The following HYDIN variants were observed in gnomAD, a reference collection of about 807,000 sequenced individuals.
HYDIN encodes axonemal central pair apparatus protein HYDIN.
A neutral mutation model predicts 403.9 loss-of-function variants in HYDIN; 132 were observed. That is an observed-to-expected ratio of 0.33 (90% CI 0.28 to 0.38). The LOEUF is 0.38. Among genes scored for constraint, HYDIN ranks in the 10% least tolerant of loss-of-function variants. The pLI is 1.00. For missense variants in HYDIN, 2,827 were observed against 5,009.5 expected (o/e 0.56, Z 13.15); for synonymous variants, 1,202 against 1,891.7 (o/e 0.64, Z 9.46).
intron 8 of HYDIN, among the ~76,000 whole-genome samples, chr16:71,136,472 C>T (rs1009075430): frequency 1.1e-4 from 17 of 151,748 alleles, no homozygotes; most frequent in African/African-American, 4.1e-4. Context: ...TTTATAAAAG[C>T]TGATCAACCT....
intron 47 of HYDIN, among the ~76,000 whole-genome samples, chr16:70,917,155 C>G (rs2076865493): frequency 6.6e-6 from 1 of 152,212 alleles, no homozygotes; most frequent in Non-Finnish European, 1.5e-5. Context: ...CATCTGGGCT[C>G]AAGCAATCTG....
chr16:71,157,167 G>T (rs1218396458), intron 6 of HYDIN, among the ~76,000 whole-genome samples: 1 of 151,660 alleles, frequency 6.6e-6, no homozygotes, highest in South Asian at 2.1e-4. Flanking sequence ...ATTCGAATAA[G>T]GGTAACAGAC....
intron 3 of HYDIN, 143 bp downstream of exon 3, chr16:71,184,722 G>T: frequency 1.5e-6 from 1 of 650,152 alleles, no homozygotes. Flanking sequence ...CAGATATGAA[G>T]ACATTCAGAG....
chr16:70,938,154 CA>C (rs752374080), intron 44 of HYDIN, among the ~76,000 whole-genome samples: 178 of 152,370 alleles, frequency 1.2e-3, no homozygotes, highest in Non-Finnish European at 2.2e-3. Flanking sequence ...GGGACCCAGG[CA>C]GGGGGAGGAA....
At position 70,807,825 on chromosome 16, in the gene HYDIN, G is replaced by C; in HGVS notation, c.15121C>G (p.Pro5041Ala). The C allele has an allele frequency of 6.2e-7, 1 of 1,614,166 alleles. No homozygotes were observed. Among genetic ancestry groups the C allele is most frequent in the Non-Finnish European group, 8.5e-7 (1 of 1,180,038 alleles). The change falls in exon 86 of 86, where the codon CCC (proline) becomes GCC (alanine). Residue 5041 changes from proline to alanine, a missense_variant. Coordinates refer to ENST00000393567, the MANE Select transcript of HYDIN (RefSeq NM_001270974.2). The stretch of plus-strand genomic sequence containing the variant: ...ATGTGATAGAAGACATTCTTGAAGG[G>C]GATGATTATGCTGTACCCGGCTCGG... ...SIRAGYSIII[P>A]FKNVFYHMVT... is the part of the protein sequence containing the mutation.
At chr16:70,853,479 T>G (rs975268061) in intron 73 of HYDIN, among the ~76,000 whole-genome samples, 5 of 148,580 alleles carry the variant, frequency 3.4e-5, no homozygotes, top group African/African-American at 1.3e-4. Flanking sequence ...AGTGGGTGAA[T>G]AGTTCAACTA....
At position 71,073,449 on chromosome 16, in the gene HYDIN, G is replaced by A. The variant is rs113259923; in HGVS notation, c.1739-3947C>T. ...GACTCCCTACTTTACACCCTCCGAA[G>A]GTCAACTTAGATATTTCTCCTTCAG... On this transcript the variant is annotated intron_variant, in intron 13 of 85. Transcript: ENST00000393567. 9.5e-4 allele frequency among the ~76,000 whole-genome samples: 145 copies of A among 152,166 alleles called. 2 individuals are homozygous for A. Among genetic ancestry groups the A allele is most frequent in the African/African-American group, 3.1e-3 (129 of 41,522 alleles).
At chr16:71,141,661 C>A (rs58065503) in intron 7 of HYDIN, among the ~76,000 whole-genome samples, 18 of 152,122 alleles carry the variant, frequency 1.2e-4, no homozygotes, top group Admixed American at 6.5e-4. Context: ...TTTATAATAT[C>A]GTTTCAGCAA....
At chr16:70,820,459 G>A (rs560563414) in intron 83 of HYDIN, among the ~76,000 whole-genome samples, 1 of 151,800 alleles carries the variant, frequency 6.6e-6, no homozygotes, top group East Asian at 2.0e-4. Context: ...GATTACAGGT[G>A]TGAGCCACCG....
At chr16:70,884,804 T>C (rs1184588159) in intron 58 of HYDIN, among the ~76,000 whole-genome samples, 3 of 152,202 alleles carry the variant, frequency 2.0e-5, no homozygotes, top group African/African-American at 2.4e-5. Flanking sequence ...CGGATGACCG[T>C]AGAATGTGCT....
rs533258521 is a variant in HYDIN, at chr16:70,920,728, C to G, written c.7648G>C (p.Gly2550Arg). Residue 2550 changes from glycine to arginine, a missense_variant, in exon 46 of 86, where the codon GGG becomes CGG. Coordinates refer to ENST00000393567, the MANE Select transcript of HYDIN (RefSeq NM_001270974.2). ...CCTTCGTGGTCCTCCTCCCCTTCCC[C>G]CTCCCAGTCGCTCCGCTCCTCCAGG... ...RALEERSDWEGEGEEDHEGKK... is the reference protein window; with the variant it reads ...RALEERSDWEREGEEDHEGKK... The G allele has an allele frequency of 6.3e-7, 1 of 1,586,390 alleles. No individual in the cohort carries two copies. The highest frequency in any genetic ancestry group is 8.6e-7 in the Non-Finnish European group (1 of 1,165,556).
intron 75 of HYDIN, among the ~76,000 whole-genome samples, chr16:70,841,593 T>C (rs1300610376): frequency 2.6e-5 from 4 of 152,106 alleles, no homozygotes; most frequent in African/African-American, 9.7e-5. Context: ...AGTGGGACTT[T>C]TAAGAAGTGA....
At chr16:71,177,004 G>A (rs1055555062) in intron 4 of HYDIN, among the ~76,000 whole-genome samples, 2 of 152,208 alleles carry the variant, frequency 1.3e-5, no homozygotes, top group Admixed American at 6.5e-5. Context: ...CAGCCACCTG[G>A]CATGAGGGTC....
intron 1 of HYDIN, among the ~76,000 whole-genome samples, chr16:71,207,734 T>C (rs540658159): frequency 1.3e-5 from 2 of 151,734 alleles, no homozygotes; most frequent in African/African-American, 4.8e-5. Context: ...AAAAATCTAC[T>C]AAGCAAATAG....
At chr16:70,930,125 T>A (rs2077272931) in intron 45 of HYDIN, among the ~76,000 whole-genome samples, 2 of 151,974 alleles carry the variant, frequency 1.3e-5, no homozygotes, top group Non-Finnish European at 2.9e-5. Flanking sequence ...TCCTTTTTCA[T>A]GGCTTTACAC....
intron 18 of HYDIN, among the ~76,000 whole-genome samples, chr16:71,034,920 C>T (rs1253101347): frequency 7.0e-6 from 1 of 142,536 alleles, no homozygotes; most frequent in Non-Finnish European, 1.5e-5. Context: ...ACATTAAATA[C>T]CACACTAGAT....
At position 70,974,304 on chromosome 16, in the gene HYDIN, G is replaced by C. The variant is rs954974306; in HGVS notation, c.4910-4C>G. 2 of 1,560,450 alleles carry C rather than the reference G, an allele frequency of 1.3e-6. No individual in the cohort carries two copies. Among genetic ancestry groups the C allele is most frequent in the Non-Finnish European group, 1.7e-6 (2 of 1,159,614 alleles). ...CGATCTAGCTCAGTACTGAATCCTGGACCAAGACAAAAAAAAATTTCTTCA... is the reference window on the plus strand; with the variant it reads ...CGATCTAGCTCAGTACTGAATCCTGCACCAAGACAAAAAAAAATTTCTTCA... On this transcript the variant is annotated splice_polypyrimidine_tract_variant and splice_region_variant and intron_variant, in intron 32 of 85. Transcript: ENST00000393567.
At chr16:70,897,099 A>G (rs1018137290) in intron 53 of HYDIN, among the ~76,000 whole-genome samples, 1 of 151,488 alleles carries the variant, frequency 6.6e-6, no homozygotes, top group Non-Finnish European at 1.5e-5. Context: ...CAAACTATGC[A>G]TCTGACAAAG....
At chr16:71,146,459 A>C (rs2085371010) in intron 7 of HYDIN, among the ~76,000 whole-genome samples, 1 of 117,970 alleles carries the variant, frequency 8.5e-6, no homozygotes, top group Admixed American at 9.4e-5. Flanking sequence ...CAGTACCAGT[A>C]ACACAATGGT....
Sources: gnomAD v4.1 joint callset for allele counts (sites outside exome capture counted in the v4.1 genomes callset) on GRCh38, gnomAD v4.1.1 for gene constraint, MANE v1.5 for transcripts, NCBI Gene and HGNC (gene_info 2026-07-23, HGNC 2026-07-21) for gene names.